The following CDH18 variants were observed in gnomAD, a reference collection of about 807,000 sequenced individuals.
CDH18 encodes cadherin 18.
CDH18 carries 31 observed loss-of-function variants against 67.9 expected under a neutral mutation model. That is an observed-to-expected ratio of 0.46 (90% CI 0.34 to 0.62). The LOEUF (loss-of-function observed/expected upper bound fraction) is 0.62. Among genes scored for constraint, CDH18 ranks in the 20% least tolerant of loss-of-function variants. The probability of loss-of-function intolerance (pLI) is 0.01; values close to 1 mark genes in which losing one functional copy is unlikely to be tolerated. For synonymous variants in CDH18, 362 were observed against 347.2 expected (o/e 1.04, Z -0.48); for missense variants, 890 against 975.5 (o/e 0.91, Z 1.17).
At chr5:19,689,617 T>A (rs1456734742) in intron 5 of CDH18, among the ~76,000 whole-genome samples, 6 of 151,678 alleles carry the variant, frequency 4.0e-5, no homozygotes, top group Non-Finnish European at 7.4e-5. Flanking sequence ...GTTTTAAACA[T>A]ACAAATGAGG....
intron 2 of CDH18, among the ~76,000 whole-genome samples, chr5:19,909,733 A>G (rs1790923400): frequency 6.6e-6 from 1 of 152,168 alleles, no homozygotes; most frequent in African/African-American, 2.4e-5. Flanking sequence ...GTCTGAAATC[A>G]TTATTCTTAT....
intron 1 of CDH18, among the ~76,000 whole-genome samples, chr5:20,366,490 A>G (rs983359373): frequency 2.6e-5 from 4 of 152,176 alleles, no homozygotes. Context: ...CACAACATGT[A>G]CTTCACTCAT....
At chr5:19,706,908 T>A (rs1764038040) in intron 5 of CDH18, among the ~76,000 whole-genome samples, 1 of 152,276 alleles carries the variant, frequency 6.6e-6, no homozygotes, top group East Asian at 1.9e-4. Flanking sequence ...TTTAAATTTT[T>A]TGAGCCTGCC....
chr5:19,660,641 A>G (rs544230812), intron 5 of CDH18, among the ~76,000 whole-genome samples: 2 of 152,120 alleles, frequency 1.3e-5, no homozygotes, highest in African/African-American at 4.8e-5. Flanking sequence ...GACTTCCTCA[A>G]ATATGAAGTT....
intron 3 of CDH18, among the ~76,000 whole-genome samples, chr5:19,835,981 A>G (rs955691249): frequency 1.3e-5 from 2 of 152,098 alleles, no homozygotes; most frequent in African/African-American, 4.8e-5. Flanking sequence ...TGTTCATTCA[A>G]TTCCAGAAAG....
intron 5 of CDH18, among the ~76,000 whole-genome samples, chr5:19,669,805 G>A (rs1348031817): frequency 2.6e-5 from 4 of 152,164 alleles, no homozygotes; most frequent in African/African-American, 4.8e-5. Flanking sequence ...TCTGTGCATC[G>A]TACATACTAT....
intron 5 of CDH18, among the ~76,000 whole-genome samples, chr5:19,623,962 T>A (rs997946794): frequency 2.7e-5 from 4 of 148,040 alleles, no homozygotes; most frequent in South Asian, 2.1e-4. Flanking sequence ...ATTTAATTTA[T>A]AATGCATTAT....
At chr5:20,236,187 T>C (rs1205092019) in intron 2 of CDH18, among the ~76,000 whole-genome samples, 2 of 151,762 alleles carry the variant, frequency 1.3e-5, no homozygotes, top group Non-Finnish European at 2.9e-5. Flanking sequence ...CAATGTACCT[T>C]TGAAACAAAC....
chr5:20,401,118 G>A (rs900457995), intron 1 of CDH18, among the ~76,000 whole-genome samples: 3 of 152,088 alleles, frequency 2.0e-5, no homozygotes, highest in Non-Finnish European at 4.4e-5. Flanking sequence ...ATTGCACAGT[G>A]TTTATTTAGC....
intron 1 of CDH18, among the ~76,000 whole-genome samples, chr5:20,356,805 A>G (rs2150065647): frequency 6.7e-6 from 1 of 149,466 alleles, no homozygotes; most frequent in South Asian, 2.1e-4. Flanking sequence ...ATGTATGCGT[A>G]TATATGTATA....
chr5:20,042,971 A>AATTG (rs1740581190), intron 2 of CDH18, among the ~76,000 whole-genome samples: 1 of 146,748 alleles, frequency 6.8e-6, no homozygotes, highest in African/African-American at 2.4e-5. Context: ...CAAAAAAATT[A>AATTG]ATTAATTAAT....
chr5:20,255,890 TATA>T (rs1247078871), intron 1 of CDH18, among the ~76,000 whole-genome samples: 1 of 140,916 alleles, frequency 7.1e-6, no homozygotes, highest in Non-Finnish European at 1.6e-5. Context: ...AGTGATTTTA[TATA>T]ATATTAAATG....
intron 2 of CDH18, among the ~76,000 whole-genome samples, chr5:19,935,958 G>A (rs1410431886): frequency 6.6e-6 from 1 of 150,634 alleles, no homozygotes; most frequent in South Asian, 2.1e-4. Flanking sequence ...CTGTATGATT[G>A]AAATAGCTGT....
chr5:20,098,357 A>G (rs1397193936), intron 2 of CDH18, among the ~76,000 whole-genome samples: 1 of 152,098 alleles, frequency 6.6e-6, no homozygotes, highest in Non-Finnish European at 1.5e-5. Context: ...ATGATTTTAT[A>G]TAGACACTGT....
intron 1 of CDH18, among the ~76,000 whole-genome samples, chr5:20,301,517 C>T (rs1184384885): frequency 1.3e-5 from 2 of 152,164 alleles, no homozygotes; most frequent in South Asian, 2.1e-4. Flanking sequence ...ATCTACCATA[C>T]TACGGGACAA....
intron 9 of CDH18, among the ~76,000 whole-genome samples, chr5:19,543,318 T>C (rs1735734862): frequency 6.6e-6 from 1 of 152,092 alleles, no homozygotes; most frequent in South Asian, 2.1e-4. Context: ...ATATTCTGGG[T>C]GGAGGTAGAA....
intron 1 of CDH18, among the ~76,000 whole-genome samples, chr5:20,354,265 CTG>C (rs1741429259): frequency 6.6e-6 from 1 of 152,138 alleles, no homozygotes; most frequent in Non-Finnish European, 1.5e-5. Context: ...TTTATATTAA[CTG>C]ATTTAAATTG....
intron 4 of CDH18, among the ~76,000 whole-genome samples, chr5:19,731,960 C>A (rs1016322599): frequency 6.7e-6 from 1 of 150,038 alleles, no homozygotes; most frequent in African/African-American, 2.5e-5. Context: ...CCTGGTAGTA[C>A]ACACCTGTAG....
chr5:19,976,986 C>T (rs13171601), intron 2 of CDH18, among the ~76,000 whole-genome samples: 67,160 of 151,876 alleles, frequency 0.44, 16,656 homozygotes, highest in Middle Eastern at 0.64. Flanking sequence ...AATATATATG[C>T]TTTTCAGGTT....
Sources: gnomAD v4.1 joint callset for allele counts (sites outside exome capture counted in the v4.1 genomes callset) on GRCh38, gnomAD v4.1.1 for gene constraint, MANE v1.5 for transcripts, NCBI Gene and HGNC (gene_info 2026-07-23, HGNC 2026-07-21) for gene names.